Variants in FMN1 observed in about 807,000 individuals in gnomAD.
FMN1 encodes the protein formin 1, also known as formin-1.
Under a neutral mutation model 132.4 loss-of-function variants are expected in FMN1, and 110 were observed. That is an observed-to-expected ratio of 0.83 (90% CI 0.71 to 0.97). The LOEUF is 0.97. FMN1 is among the 50% of genes least tolerant of loss of function. FMN1 has a pLI of 0.00. For synonymous variants in FMN1, 722 were observed against 651.7 expected (o/e 1.11, Z -1.64); for missense variants, 1,792 against 1,705.3 (o/e 1.05, Z -0.90).
chr15:33,043,527 C>T (rs1370928243), intron 6 of FMN1, among the ~76,000 whole-genome samples: 1 of 152,234 alleles, frequency 6.6e-6, no homozygotes, highest in Non-Finnish European at 1.5e-5. Flanking sequence ...ATTCTGGGGA[C>T]TCCCTGATTC....
At chr15:32,811,553 G>C (rs2057878838) in intron 17 of FMN1, among the ~76,000 whole-genome samples, 1 of 151,818 alleles carries the variant, frequency 6.6e-6, no homozygotes, top group African/African-American at 2.4e-5. Flanking sequence ...AAAAAATCCA[G>C]TTAAAAGGAG....
intron 4 of FMN1, among the ~76,000 whole-genome samples, chr15:33,147,157 C>G (rs1964256712): frequency 6.8e-6 from 1 of 147,284 alleles, no homozygotes; most frequent in African/African-American, 2.5e-5. Context: ...AAGAGCGAGA[C>G]TCCGTCTCAA....
At chr15:32,941,768 C>T (rs1168891918) in intron 9 of FMN1, among the ~76,000 whole-genome samples, 1 of 152,140 alleles carries the variant, frequency 6.6e-6, no homozygotes, top group Non-Finnish European at 1.5e-5. Context: ...AGGTAGGAAA[C>T]AGCTGGTCAC....
intron 4 of FMN1, among the ~76,000 whole-genome samples, chr15:33,095,585 T>G (rs543323643): frequency 1.3e-3 from 199 of 152,122 alleles, no homozygotes; most frequent in Admixed American, 2.2e-3. Context: ...TTTGTAGAGA[T>G]AGACTCTTGC....
intron 6 of FMN1, among the ~76,000 whole-genome samples, chr15:33,056,079 A>G (rs2037203499): frequency 6.6e-6 from 1 of 152,244 alleles, no homozygotes; most frequent in Non-Finnish European, 1.5e-5. Flanking sequence ...AGTAACCAGC[A>G]CTGTCATATG....
intron 6 of FMN1, among the ~76,000 whole-genome samples, chr15:33,042,536 T>C (rs932428386): frequency 6.6e-6 from 1 of 152,200 alleles, no homozygotes; most frequent in Non-Finnish European, 1.5e-5. Flanking sequence ...GCACAATGTT[T>C]AGAGAAATAC....
intron 19 of FMN1, among the ~76,000 whole-genome samples, chr15:32,798,216 A>ACCC (rs1159889872): frequency 4.3e-5 from 6 of 140,876 alleles, no homozygotes; most frequent in African/African-American, 1.6e-4. Context: ...ACACACACAC[A>ACCC]CCCCGTCTAT....
At chr15:32,984,830 G>A (rs1351316021) in intron 7 of FMN1, among the ~76,000 whole-genome samples, 1 of 151,882 alleles carries the variant, frequency 6.6e-6, no homozygotes, top group Non-Finnish European at 1.5e-5. Context: ...TAAAAACTAG[G>A]AAATCACTTG....
At chr15:33,090,774 G>C (rs2038875589) in intron 4 of FMN1, among the ~76,000 whole-genome samples, 2 of 152,218 alleles carry the variant, frequency 1.3e-5, no homozygotes, top group African/African-American at 4.8e-5. Context: ...ATGCCTAAAG[G>C]AACCTCAGGG....
chr15:32,926,788 T>A (rs2060972747), intron 9 of FMN1, among the ~76,000 whole-genome samples: 1 of 152,066 alleles, frequency 6.6e-6, no homozygotes, highest in African/African-American at 2.4e-5. Flanking sequence ...CTATATTTAG[T>A]CTATATTTTA....
chr15:32,857,008 T>G lies in FMN1; in HGVS notation c.3928+7A>C. Reference sequence around the variant, plus strand: ...CACGTGTATGTGCGGCTGACAAAGCTTCCTACCTTTTTGGAAGAACTCCTC... The same window carrying G: ...CACGTGTATGTGCGGCTGACAAAGCGTCCTACCTTTTTGGAAGAACTCCTC... On this transcript the variant is annotated splice_region_variant and intron_variant, in intron 17 of 20. Coordinates refer to ENST00000616417, the MANE Select transcript of FMN1 (RefSeq NM_001277313.2). 2 of 1,603,792 alleles carry G rather than the reference T, an allele frequency of 1.2e-6. No individual in the cohort carries two copies. Among genetic ancestry groups the G allele is most frequent in the Non-Finnish European group, 1.7e-6 (2 of 1,170,652 alleles).
At chr15:33,038,772 T>C (rs2036296977) in intron 6 of FMN1, among the ~76,000 whole-genome samples, 1 of 152,212 alleles carries the variant, frequency 6.6e-6, no homozygotes, top group South Asian at 2.1e-4. Flanking sequence ...TGGGTGAGAC[T>C]TTCACCTGTT....
At chr15:33,003,490 G>A (rs955319732) in intron 7 of FMN1, among the ~76,000 whole-genome samples, 21 of 152,150 alleles carry the variant, frequency 1.4e-4, no homozygotes, top group African/African-American at 5.1e-4. Context: ...AACTTACAAG[G>A]AATGTGAAGG....
chr15:32,958,354 A>T (rs762505323), intron 9 of FMN1, among the ~76,000 whole-genome samples: 2 of 152,234 alleles, frequency 1.3e-5, no homozygotes, highest in Non-Finnish European at 2.9e-5. Flanking sequence ...ATGCAGACAC[A>T]TGCTGATGAA....
intron 9 of FMN1, among the ~76,000 whole-genome samples, chr15:32,927,934 G>A (rs903760886): frequency 6.6e-6 from 1 of 152,180 alleles, no homozygotes; most frequent in Non-Finnish European, 1.5e-5. Context: ...AGACTAAACA[G>A]TAACAAACAT....
At chr15:33,104,255 ACT>A in intron 4 of FMN1, among the ~76,000 whole-genome samples, 1 of 152,252 alleles carries the variant, frequency 6.6e-6, no homozygotes, top group South Asian at 2.1e-4. Context: ...AGAGCATTAG[ACT>A]GAACTGTATG....
chr15:33,169,059 G>A (rs561575904), intron 3 of FMN1, among the ~76,000 whole-genome samples: 2 of 152,130 alleles, frequency 1.3e-5, no homozygotes, highest in South Asian at 2.1e-4. Flanking sequence ...GAGATGTCAC[G>A]ATAGTTCTTT....
At chr15:33,012,465 A>G in intron 6 of FMN1, 4 of 1,102,270 alleles carry the variant, frequency 3.6e-6, no homozygotes, top group Non-Finnish European at 4.1e-6. Flanking sequence ...AAGACACAGA[A>G]GAACATCACC....
rs1389758148 is a variant in FMN1, at chr15:32,769,345, A to T, written c.*4965T>A. 2.0e-5 allele frequency: 3 copies of T among 152,350 alleles called. No individual in the cohort carries two copies. The East Asian group carries it at 5.8e-4, about 29-fold the overall frequency. 9.4% of individuals were successfully genotyped at this position (152,350 alleles called of 1,614,324 possible). Reference sequence around the variant, plus strand: ...AAGCATTGATCTGGAAGTTCAGTAGATTGCCCATTCCTTGGGAAGGGAGAT... The same window carrying T: ...AAGCATTGATCTGGAAGTTCAGTAGTTTGCCCATTCCTTGGGAAGGGAGAT... On this transcript the variant is annotated 3_prime_UTR_variant, in exon 21 of 21. Transcript: ENST00000616417.
Sources: gnomAD v4.1 joint callset for allele counts (sites outside exome capture counted in the v4.1 genomes callset) on GRCh38, gnomAD v4.1.1 for gene constraint, MANE v1.5 for transcripts, NCBI Gene and HGNC (gene_info 2026-07-23, HGNC 2026-07-21) for gene names.